Variants in LINC00305 observed in about 807,000 individuals in gnomAD.
LINC00305 encodes long intergenic non-protein coding RNA 305.
At chr18:64,107,022 C>T (rs921393856) in intron 1 of LINC00305, among the ~76,000 whole-genome samples, 4 of 152,276 alleles carry the variant, frequency 2.6e-5, no homozygotes, top group Admixed American at 1.3e-4. Context: ...GCACCAATTC[C>T]GGGCCTGGCC....
intron 1 of LINC00305, among the ~76,000 whole-genome samples, chr18:64,110,076 G>C (rs1271666047): frequency 6.6e-6 from 1 of 152,096 alleles, no homozygotes. Context: ...CAAAAGATTG[G>C]AACCCCTGTT....
intron 3 of LINC00305, among the ~76,000 whole-genome samples, chr18:64,087,887 C>A (rs1009922646): frequency 2.0e-5 from 3 of 151,372 alleles, no homozygotes; most frequent in African/African-American, 7.3e-5. Context: ...GTCAGGAGAT[C>A]AAGACCATCC....
At chr18:64,103,668 G>A (rs2051277099) in intron 1 of LINC00305, among the ~76,000 whole-genome samples, 1 of 152,114 alleles carries the variant, frequency 6.6e-6, no homozygotes, top group African/African-American at 2.4e-5. Flanking sequence ...AAATGTGTTT[G>A]AATTTTTAAT....
intron 1 of LINC00305, among the ~76,000 whole-genome samples, chr18:64,100,710 C>T (rs1355558931): frequency 6.6e-6 from 1 of 152,190 alleles, no homozygotes; most frequent in African/African-American, 2.4e-5. Context: ...CTGGGATTTA[C>T]AGCATTTGAA....
chr18:64,084,663 A>G (rs2051196649), intron 3 of LINC00305, among the ~76,000 whole-genome samples: 1 of 152,244 alleles, frequency 6.6e-6, no homozygotes, highest in African/African-American at 2.4e-5. Context: ...ATACTACAGT[A>G]AACATGCATT....
chr18:64,142,086 C>G (rs546572244), intron 1 of LINC00305, among the ~76,000 whole-genome samples: 7 of 152,272 alleles, frequency 4.6e-5, no homozygotes, highest in African/African-American at 1.4e-4. Context: ...AGCTGCAGCT[C>G]AGACGCTGCT....
At chr18:64,088,013 C>G (rs1489682110) in intron 3 of LINC00305, among the ~76,000 whole-genome samples, 1 of 152,012 alleles carries the variant, frequency 6.6e-6, no homozygotes. Flanking sequence ...GTCCCAGCTA[C>G]CTGGGAGGCT....
At chr18:64,146,089 T>A (rs1450573727) in intron 1 of LINC00305, among the ~76,000 whole-genome samples, 1 of 152,172 alleles carries the variant, frequency 6.6e-6, no homozygotes, top group Non-Finnish European at 1.5e-5. Context: ...TGAAAGACAA[T>A]TATCTTTTTA....
At chr18:64,144,558 G>C (rs992294242) in intron 1 of LINC00305, among the ~76,000 whole-genome samples, 4 of 151,992 alleles carry the variant, frequency 2.6e-5, no homozygotes, top group African/African-American at 9.7e-5. Flanking sequence ...GCCCAGGCTG[G>C]AGTGCAATGG....
intron 3 of LINC00305, among the ~76,000 whole-genome samples, chr18:64,088,809 G>T (rs528072177): frequency 4.6e-5 from 7 of 152,264 alleles, no homozygotes; most frequent in African/African-American, 1.4e-4. Flanking sequence ...CAGAGCCTGT[G>T]CCAGCTATAA....
intron 1 of LINC00305, among the ~76,000 whole-genome samples, chr18:64,136,372 T>C (rs1353024706): frequency 6.6e-6 from 1 of 152,078 alleles, no homozygotes; most frequent in Non-Finnish European, 1.5e-5. Context: ...CACAGTTCCA[T>C]ATGGCTGGGG....
intron 1 of LINC00305, among the ~76,000 whole-genome samples, chr18:64,099,508 C>T (rs575003505): frequency 1.6e-3 from 248 of 152,308 alleles, no homozygotes; most frequent in Middle Eastern, 0.014. Flanking sequence ...GAGGCACCGA[C>T]AGTGATATAG....
chr18:64,092,389 C>T (rs890043128), intron 3 of LINC00305, among the ~76,000 whole-genome samples: 5 of 152,138 alleles, frequency 3.3e-5, no homozygotes, highest in Admixed American at 6.5e-5. Flanking sequence ...GGTGAAACCC[C>T]GTCTCTACTA....
intron 1 of LINC00305, among the ~76,000 whole-genome samples, chr18:64,144,425 A>G (rs1322459851): frequency 6.6e-6 from 1 of 152,216 alleles, no homozygotes; most frequent in Non-Finnish European, 1.5e-5. Context: ...AACCTCCACA[A>G]GAGAATGCAG....
intron 1 of LINC00305, among the ~76,000 whole-genome samples, chr18:64,121,231 G>A (rs1339935567): frequency 2.0e-5 from 3 of 152,010 alleles, no homozygotes; most frequent in African/African-American, 7.2e-5. Flanking sequence ...TGGGACATAT[G>A]TGTAATTTTG....
intron 1 of LINC00305, among the ~76,000 whole-genome samples, chr18:64,102,188 A>C (rs1257779984): frequency 1.3e-5 from 2 of 152,130 alleles, no homozygotes; most frequent in Non-Finnish European, 2.9e-5. Context: ...AACTGGACAA[A>C]ATGCTTTCAT....
At chr18:64,121,732 A>G (rs1193155921) in intron 1 of LINC00305, among the ~76,000 whole-genome samples, 1 of 152,110 alleles carries the variant, frequency 6.6e-6, no homozygotes, top group Non-Finnish European at 1.5e-5. Flanking sequence ...TGGATAGAAT[A>G]GTAGTTCTGT....
At chr18:64,088,088 C>A (rs541613635) in intron 3 of LINC00305, among the ~76,000 whole-genome samples, 1 of 151,964 alleles carries the variant, frequency 6.6e-6, no homozygotes, top group South Asian at 2.1e-4. Context: ...TGCCGTGAGC[C>A]GAGATCGCAC....
intron 3 of LINC00305, among the ~76,000 whole-genome samples, chr18:64,087,671 C>T (rs188333553): frequency 2.6e-5 from 4 of 152,008 alleles, no homozygotes; most frequent in East Asian, 3.9e-4. Context: ...GAAAAATATA[C>T]GATTGCTTTT....
Sources: allele counts gnomAD v4.1 joint callset (sites outside exome capture counted in the v4.1 genomes callset), GRCh38; gene constraint gnomAD v4.1.1; transcripts MANE v1.5; gene names NCBI Gene and HGNC (gene_info 2026-07-23, HGNC 2026-07-21).